Variants in CLSTN1 observed in about 807,000 individuals in gnomAD.
CLSTN1 encodes calsyntenin-1.
In CLSTN1, 28 loss-of-function variants were observed where a neutral mutation model predicts 108.3. That is an observed-to-expected ratio of 0.26 (90% confidence interval 0.19 to 0.35). CLSTN1 has a LOEUF of 0.35. Ranked by LOEUF, CLSTN1 falls within the 10% of genes least tolerant of loss-of-function variation. The pLI, the probability that CLSTN1 is intolerant of heterozygous loss-of-function variation, is 1.00. For missense variants in CLSTN1, 1,157 were observed against 1,302.6 expected (o/e 0.89, Z 1.72); for synonymous variants, 524 against 534.9 (o/e 0.98, Z 0.28).
At chr1:9,743,849 G>T (rs781379045) in intron 9 of CLSTN1, 35 bp downstream of exon 9, 1 of 1,611,146 alleles carries the variant, frequency 6.2e-7, no homozygotes, top group South Asian at 1.1e-5. Flanking sequence ...TGAGCACCTT[G>T]CCCGGCCCTA....
intron 4 of CLSTN1, 69 bp downstream of exon 4, chr1:9,755,045 T>A: frequency 7.7e-7 from 1 of 1,306,290 alleles, no homozygotes; most frequent in Non-Finnish European, 1.1e-6. Context: ...CAATAGTCAC[T>A]ACTATTTTCG....
Position 9,730,560 on chromosome 1 carries a change from T to A in CLSTN1, c.2894A>T (p.Asn965Ile), listed in dbSNP as rs778708047. The stretch of plus-strand genomic sequence containing the variant: ...CTCCAGCTGCTGCTGCCGGGTTGCG[T>A]TCTGGGGGTCGCCCTGCTCCCCCTC... ...EEEGEQGDPQ[N>I]ATRQQQLEWD... Residue 965 changes from asparagine (N) to isoleucine (I), a missense_variant, in exon 19 of 19, where the codon AAC becomes ATC. Coordinates refer to ENST00000377298, the MANE Select transcript of CLSTN1 (RefSeq NM_001009566.3). The surrounding 1 kb of genome is among the most constrained non-coding windows in gnomAD (Gnocchi z 5.6). 1.2e-5 allele frequency: 20 copies of A among 1,608,386 alleles called. No individual in the cohort carries two copies. The South Asian group carries it at 2.2e-4, about 18-fold the overall frequency.
rs373593173 is a variant in CLSTN1, at chr1:9,769,887, G to A, written c.214+3385C>T. Among the ~76,000 whole-genome samples the A allele has an allele frequency of 1.7e-4, 26 of 152,202 alleles. 1 individual carries two copies. In the South Asian group the frequency reaches 2.1e-3, roughly 12 times the overall value. ...CTACTAAAAATACAAAAAATTAGCC[G>A]GGCGCGGTGGCGGACTCCTGTAGTC... On this transcript the variant is annotated intron_variant, in intron 2 of 18. Transcript: ENST00000377298.
At chr1:9,812,110 C>A (rs1346725181) in intron 1 of CLSTN1, among the ~76,000 whole-genome samples, 2 of 152,134 alleles carry the variant, frequency 1.3e-5, no homozygotes, top group Admixed American at 1.3e-4. Context: ...GTACTCCAGG[C>A]TGGGCAACAG....
chr1:9,805,486 C>T (rs1654465991), intron 1 of CLSTN1, among the ~76,000 whole-genome samples: 1 of 152,150 alleles, frequency 6.6e-6, no homozygotes, highest in South Asian at 2.1e-4. Context: ...TTAAGTTGGA[C>T]ATTAATGAGA....
intron 1 of CLSTN1, among the ~76,000 whole-genome samples, chr1:9,803,611 T>C (rs1654379945): frequency 1.3e-5 from 2 of 152,098 alleles, no homozygotes. Flanking sequence ...GAGACCAGTC[T>C]GGCCAACATG....
Position 9,755,097 on chromosome 1 carries a change from T to G in CLSTN1, c.440+17A>C. The G allele has an allele frequency of 6.2e-7, 1 of 1,602,108 alleles. No individual in the cohort carries two copies. Among genetic ancestry groups the G allele is most frequent in the African/African-American group, 1.3e-5 (1 of 74,830 alleles). ...TTACTCGGTGGGTTATGTTCACTCT[T>G]TGTCCAGCTTACTTACTTATGAGAC... On this transcript the variant is annotated intron_variant, in intron 4 of 18. Coordinates refer to ENST00000377298, the MANE Select transcript of CLSTN1 (RefSeq NM_001009566.3).
intron 2 of CLSTN1, among the ~76,000 whole-genome samples, chr1:9,761,450 G>A (rs1186778156): frequency 1.3e-5 from 2 of 152,146 alleles, no homozygotes; most frequent in African/African-American, 2.4e-5. Context: ...CCATTATCAT[G>A]CCACTGCACT....
At chr1:9,753,758 C>T (rs953887110) in intron 4 of CLSTN1, among the ~76,000 whole-genome samples, 16 of 152,134 alleles carry the variant, frequency 1.1e-4, no homozygotes, top group Admixed American at 3.9e-4. Flanking sequence ...CTGCCTGCCT[C>T]GGCCTCCCAA....
chr1:9,748,998 G>A (rs968686039), intron 7 of CLSTN1, among the ~76,000 whole-genome samples: 5 of 151,870 alleles, frequency 3.3e-5, no homozygotes, highest in African/African-American at 4.8e-5. Flanking sequence ...TCAACCTCCC[G>A]GGCTCAGGTG....
intron 2 of CLSTN1, among the ~76,000 whole-genome samples, chr1:9,765,870 C>A (rs1165088676): frequency 6.6e-6 from 1 of 151,972 alleles, no homozygotes; most frequent in Non-Finnish European, 1.5e-5. Context: ...CAGCGAGACT[C>A]TGTCTCAAAA....
At chr1:9,767,110 T>G (rs1017147701) in intron 2 of CLSTN1, among the ~76,000 whole-genome samples, 13 of 152,258 alleles carry the variant, frequency 8.5e-5, no homozygotes, top group African/African-American at 3.1e-4. Flanking sequence ...GGAGTGACTG[T>G]GTTCCAGGCA....
At chr1:9,815,488 T>C (rs1654933141) in intron 1 of CLSTN1, among the ~76,000 whole-genome samples, 1 of 152,220 alleles carries the variant, frequency 6.6e-6, no homozygotes, top group Admixed American at 6.5e-5. Context: ...GGTTTGCACC[T>C]AGACTAGGAA....
chr1:9,774,342 G>C (rs1652834943), intron 1 of CLSTN1, among the ~76,000 whole-genome samples: 1 of 152,062 alleles, frequency 6.6e-6, no homozygotes, highest in South Asian at 2.1e-4. Context: ...GACGAGGGCG[G>C]ATCACCTGAG....
In CLSTN1 at chr1:9,744,601, C is replaced by T; in HGVS notation, c.1028G>A (p.Gly343Glu). The change falls in exon 8 of 19, where the codon GGA (glycine) becomes GAA (glutamate). Residue 343 changes from glycine to glutamate, a missense_variant. Transcript: ENST00000377298. ...CAGGCCCATGGTCCAGTTGAGGGATCCACTCGGGGATGGCAGCAGCTCGGC... is the reference window on the plus strand; with the variant it reads ...CAGGCCCATGGTCCAGTTGAGGGATTCACTCGGGGATGGCAGCAGCTCGGC... ...GTAELLPSPS[G>E]SLNWTMGLPT... 6.2e-7 allele frequency: 1 copy of T among 1,613,308 alleles called. No individual in the cohort carries two copies. Among genetic ancestry groups the T allele is most frequent in the Non-Finnish European group, 8.5e-7 (1 of 1,179,986 alleles).
chr1:9,742,999 T>C (rs1284346576), intron 9 of CLSTN1, among the ~76,000 whole-genome samples: 1 of 152,200 alleles, frequency 6.6e-6, no homozygotes, highest in Non-Finnish European at 1.5e-5. Context: ...TATTCTCTTT[T>C]ACTTTTATCT....
intron 2 of CLSTN1, among the ~76,000 whole-genome samples, chr1:9,761,453 A>C (rs925350120): frequency 7.9e-5 from 12 of 152,254 alleles, no homozygotes; most frequent in Admixed American, 7.8e-4. Flanking sequence ...TTATCATGCC[A>C]CTGCACTCCA....
chr1:9,778,339 C>T (rs993096056), intron 1 of CLSTN1, among the ~76,000 whole-genome samples: 3 of 151,966 alleles, frequency 2.0e-5, no homozygotes, highest in Non-Finnish European at 4.4e-5. Context: ...AGCACACATG[C>T]AGGAACTATT....
chr1:9,805,791 C>T (rs1410268597), intron 1 of CLSTN1, among the ~76,000 whole-genome samples: 3 of 147,998 alleles, frequency 2.0e-5, no homozygotes, highest in Non-Finnish European at 4.4e-5. Context: ...CGCTTGAACC[C>T]AGGAGGCGGA....
Sources: gnomAD v4.1 joint callset for allele counts (sites outside exome capture counted in the v4.1 genomes callset) on GRCh38, gnomAD v4.1.1 for gene constraint, Gnocchi (gnomAD v3.1) non-coding constraint, MANE v1.5 for transcripts, NCBI Gene and HGNC (gene_info 2026-07-23, HGNC 2026-07-21) for gene names.